PHF24: variants seen among roughly 807,000 people sequenced by gnomAD.
PHF24 encodes the protein Galpha inhibitory interacting protein.
In PHF24, 25 loss-of-function variants were observed where a neutral mutation model predicts 42.6. That is an observed-to-expected ratio of 0.59 (90% confidence interval 0.43 to 0.82). PHF24 has a LOEUF of 0.82. Among genes scored for constraint, PHF24 ranks in the 40% least tolerant of loss-of-function variants. PHF24 has a pLI of 0.00. For synonymous variants in PHF24, 185 were observed against 204.8 expected (o/e 0.90, Z 0.83); for missense variants, 470 against 538.1 (o/e 0.87, Z 1.25).
intron 1 of PHF24, 37 bp from the exon 2 acceptor site, chr9:34,971,257 AT>A: frequency 1.3e-6 from 2 of 1,549,800 alleles, no homozygotes; most frequent in Non-Finnish European, 1.7e-6. Context: ...ATCCTCAGCC[AT>A]TGGCTGAACC....
At chr9:34,794,402 C>G in the PHF24 span, among the ~76,000 whole-genome samples, 1 of 152,096 alleles carries the variant, frequency 6.6e-6, no homozygotes, top group Admixed American at 6.5e-5. Flanking sequence ...TAAAATAATA[C>G]TCAAAATGTC....
At chr9:34,694,282 G>T in the PHF24 span, among the ~76,000 whole-genome samples, 1 of 140,676 alleles carries the variant, frequency 7.1e-6, no homozygotes, top group Admixed American at 8.0e-5. Context: ...TAATTCTCTT[G>T]CCTCAGCCAC....
the PHF24 span, among the ~76,000 whole-genome samples, chr9:34,857,971 G>GTTTTTTTTTTTTTT: frequency 9.1e-6 from 1 of 109,806 alleles, no homozygotes; most frequent in Non-Finnish European, 1.8e-5. Context: ...TTGTTTCTCT[G>GTTTTTTTTTTTTTT]GTTTTTTTTT....
intron 1 of PHF24, among the ~76,000 whole-genome samples, chr9:34,963,258 G>GTTTTT (rs55701555): frequency 8.5e-6 from 1 of 117,110 alleles, no homozygotes; most frequent in Admixed American, 8.7e-5. Flanking sequence ...CTTTTTGATG[G>GTTTTT]TTTTTTTTTT....
intron 1 of PHF24, among the ~76,000 whole-genome samples, chr9:34,962,456 C>A (rs566935493): frequency 6.6e-6 from 1 of 152,112 alleles, no homozygotes; most frequent in South Asian, 2.1e-4. Context: ...CTTATGCCCC[C>A]TGCACACGCA....
At chr9:34,761,178 C>A in the PHF24 span, among the ~76,000 whole-genome samples, 3 of 151,900 alleles carry the variant, frequency 2.0e-5, no homozygotes, top group African/African-American at 7.3e-5. Context: ...AATTCTTTTC[C>A]CTTTTTGCTT....
the PHF24 span, among the ~76,000 whole-genome samples, chr9:34,886,255 T>TA: frequency 0.94 from 128,865 of 137,558 alleles, 60,507 homozygotes; most frequent in Non-Finnish European, 0.98. Context: ...TCTCCTGTCT[T>TA]AAAAAAAAAA....
chr9:34,849,926 G>T, the PHF24 span, among the ~76,000 whole-genome samples: 1 of 152,220 alleles, frequency 6.6e-6, no homozygotes, highest in African/African-American at 2.4e-5. Flanking sequence ...GTTGAATATT[G>T]GCCCCCACTC....
the PHF24 span, among the ~76,000 whole-genome samples, chr9:34,704,383 C>T: frequency 1.3e-5 from 2 of 152,088 alleles, no homozygotes; most frequent in South Asian, 2.1e-4. Flanking sequence ...ATCAAAGAAG[C>T]CCTTAAAATA....
At chr9:34,747,590 CAAT>C in the PHF24 span, among the ~76,000 whole-genome samples, 17 of 152,106 alleles carry the variant, frequency 1.1e-4, no homozygotes. Flanking sequence ...AATAAAGCCA[CAAT>C]GAGTTACTAA....
chr9:34,977,933 C>CACGACT, intron 7 of PHF24, 82 bp from the exon 8 acceptor site: 1 of 1,106,612 alleles, frequency 9.0e-7, no homozygotes, highest in Non-Finnish European at 1.4e-6. Flanking sequence ...AAACCAGCCT[C>CACGACT]CTCAAGCCAT....
chr9:34,963,188 C>A (rs573364999), intron 1 of PHF24, among the ~76,000 whole-genome samples: 1 of 151,748 alleles, frequency 6.6e-6, no homozygotes, highest in East Asian at 1.9e-4. Flanking sequence ...AACAGCCAGT[C>A]ACTGGAGAAC....
the PHF24 span, chr9:34,728,568 C>A: frequency 1.3e-6 from 2 of 1,542,948 alleles, no homozygotes; most frequent in Non-Finnish European, 1.8e-6. Flanking sequence ...ATGGGAAACA[C>A]CCACAGTGGA....
At chr9:34,909,220 TC>T in the PHF24 span, among the ~76,000 whole-genome samples, 1 of 152,124 alleles carries the variant, frequency 6.6e-6, no homozygotes, top group African/African-American at 2.4e-5. Flanking sequence ...GGCTCAAGCT[TC>T]CTAAACAGCT....
chr9:34,748,196 G>A, the PHF24 span, among the ~76,000 whole-genome samples: 4 of 152,164 alleles, frequency 2.6e-5, no homozygotes, highest in Admixed American at 2.0e-4. Flanking sequence ...GGATAATTTG[G>A]TGTGGTCCCT....
the PHF24 span, among the ~76,000 whole-genome samples, chr9:34,719,287 C>T: frequency 6.6e-6 from 1 of 152,220 alleles, no homozygotes; most frequent in Non-Finnish European, 1.5e-5. Context: ...GATCCACCCG[C>T]CTCGGCCTTC....
At chr9:34,831,105 T>C in the PHF24 span, among the ~76,000 whole-genome samples, 1 of 152,184 alleles carries the variant, frequency 6.6e-6, no homozygotes, top group African/African-American at 2.4e-5. Flanking sequence ...AAGCCTTGTC[T>C]TCTTTTGACA....
chr9:34,668,906 A>G, the PHF24 span, among the ~76,000 whole-genome samples: 46 of 152,116 alleles, frequency 3.0e-4, no homozygotes, highest in Admixed American at 3.0e-3. Context: ...TTTATGCAAA[A>G]ATGCAGATCC....
chr9:34,827,962 C>T, the PHF24 span, among the ~76,000 whole-genome samples: 1 of 152,072 alleles, frequency 6.6e-6, no homozygotes, highest in Non-Finnish European at 1.5e-5. Flanking sequence ...TCCAAGAGCA[C>T]CTGCTGCACA....
Sources: allele counts gnomAD v4.1 joint callset (sites outside exome capture counted in the v4.1 genomes callset), GRCh38; gene constraint gnomAD v4.1.1; transcripts MANE v1.5; gene names NCBI Gene and HGNC (gene_info 2026-07-23, HGNC 2026-07-21).